TAF1C: variants seen among roughly 807,000 people sequenced by gnomAD.
TAF1C encodes TATA box-binding protein-associated factor RNA polymerase I subunit C.
TAF1C carries 79 observed loss-of-function variants against 70.5 expected under a neutral mutation model. That is an observed-to-expected ratio of 1.12 (90% confidence interval 0.93 to 1.35). TAF1C has a LOEUF of 1.35. Among genes scored for constraint, TAF1C ranks in the 40% most tolerant of loss-of-function variants. The pLI, the probability that TAF1C is intolerant of heterozygous loss-of-function variation, is 0.00. For synonymous variants in TAF1C, 614 were observed against 491.1 expected (o/e 1.25, Z -3.31); for missense variants, 1,412 against 1,127.8 (o/e 1.25, Z -3.61).
chr16:84,182,071 C>T lies in TAF1C; in HGVS notation c.722-13G>A. The T allele has an allele frequency of 6.2e-7, 1 of 1,612,222 alleles. No individual in the cohort carries two copies. Among genetic ancestry groups the T allele is most frequent in the Non-Finnish European group, 8.5e-7 (1 of 1,179,348 alleles). ...ACCTCTTGGAAATCTGGGCCTCTCA[C>T]TAAGGATCAGTGCACGAGCTATGAT... is the stretch of plus-strand genomic sequence containing the variant. On this transcript the variant is annotated splice_polypyrimidine_tract_variant and intron_variant, in intron 7 of 14. Transcript: ENST00000566732. The surrounding 1 kb of genome is among the most constrained non-coding windows in gnomAD (Gnocchi z 5.0).
In TAF1C at chr16:84,182,037, G is replaced by C. The variant is rs1403551842; in HGVS notation, c.743C>G (p.Thr248Ser). The change falls in exon 8 of 15, where the codon ACC becomes AGC. Residue 248 changes from threonine (T) to serine (S), a missense_variant. Transcript: ENST00000566732. The surrounding 1 kb of genome is among the most constrained non-coding windows in gnomAD (Gnocchi z 5.0). Reference protein sequence around the residue: ...DRLHFQEVVLTPGDNPQFLGK... With the variant: ...DRLHFQEVVLSPGDNPQFLGK... ...AAGGAATTGGGGATTGTCACCTGGG[G>C]TCAGAACGACCTCTTGGAAATCTGG... 6.2e-7 allele frequency: 1 copy of C among 1,613,276 alleles called. No homozygotes were observed. The highest frequency in any genetic ancestry group is 1.3e-5 in the African/African-American group (1 of 74,918).
At position 84,183,241 on chromosome 16, in the gene TAF1C, C is replaced by G. The variant is rs1193965830; in HGVS notation, c.408+3G>C. The G allele has an allele frequency of 1.1e-5, 18 of 1,613,932 alleles. No homozygotes were observed. The highest frequency in any genetic ancestry group is 1.4e-5 in the Non-Finnish European group (17 of 1,180,044). The stretch of plus-strand genomic sequence containing the variant: ...CCCACCCCTGGAGTCACGGGCCACT[C>G]ACCCCCGCTCCCTCCAGCTTGAAAT... On this transcript the variant is annotated splice_donor_region_variant and intron_variant, in intron 5 of 14. Transcript: ENST00000566732.
rs1337809228 is a variant in TAF1C, at chr16:84,179,353, C to CA, written c.2119dup (p.Trp707LeufsTer45). ...CGAGGTCCTGCCCTGCTGCCTCTCC[C>CA]ACCAGGCAGCCCCTCGGCCTGCCCA... On this transcript the variant is annotated frameshift_variant, in exon 15 of 15. Coordinates refer to ENST00000566732, the MANE Select transcript of TAF1C (RefSeq NM_001243156.2). LOFTEE classifies it low-confidence loss of function (END_TRUNC). The CA allele has an allele frequency of 6.2e-7, 1 of 1,601,178 alleles. No homozygotes were observed. Among genetic ancestry groups the CA allele is most frequent in the Non-Finnish European group, 8.5e-7 (1 of 1,179,182 alleles).
Position 84,178,833 on chromosome 16 carries a change from A to G in TAF1C, c.*108T>C, listed in dbSNP as rs1468757763. 7 of 1,276,030 alleles carry G rather than the reference A, an allele frequency of 5.5e-6. No homozygotes were observed. Among genetic ancestry groups the G allele is most frequent in the Non-Finnish European group, 6.4e-6 (6 of 937,410 alleles). The allele number at this position is 1,276,030 out of a possible 1,614,324, so 79.0% of individuals were successfully genotyped here. On this transcript the variant is annotated 3_prime_UTR_variant, in exon 15 of 15. Coordinates refer to ENST00000566732, the MANE Select transcript of TAF1C (RefSeq NM_001243156.2). ...TTGGCTCATCATCACAGTGGCCTCC[A>G]GAAGGTGGCGAGCTCTGCTTCTCAA...
rs1427249246 is a variant in TAF1C at position 84,181,772 on chromosome 16, C to G, written c.930G>C (p.Glu310Asp). ...TGAGGCTGATCCCCGTGGCCCCTTT[C>G]TCCACCTGCATTGCCTGCAGAAGGG... The part of the protein sequence containing the change: ...QPTLLQAMQV[E>D]KGATGISLSP... Residue 310 changes from glutamate to aspartate, a missense_variant, in exon 9 of 15, where the codon GAG becomes GAC. Physicochemically the swap from Glu to Asp is conservative, Grantham distance 45. Coordinates refer to ENST00000566732, the MANE Select transcript of TAF1C (RefSeq NM_001243156.2). 1 of 1,614,034 alleles carries G rather than the reference C, an allele frequency of 6.2e-7. No homozygotes were observed. Among genetic ancestry groups the G allele is most frequent in the African/African-American group, 1.3e-5 (1 of 74,936 alleles).
chr16:84,183,815 G>A, intron 2 of TAF1C, 37 bp from the exon 3 acceptor site: 1 of 1,529,206 alleles, frequency 6.5e-7, no homozygotes, highest in Non-Finnish European at 9.0e-7. Flanking sequence ...GTATCATGAT[G>A]AATGCCCTCC....
chr16:84,179,468 T>C lies in TAF1C; in HGVS notation c.2005A>G (p.Arg669Gly), dbSNP rs1451713743. The C allele has an allele frequency of 1.9e-6, 3 of 1,597,644 alleles. No individual in the cohort carries two copies. The highest frequency in any genetic ancestry group is 4.5e-5 in the East Asian group (2 of 44,706). The part of the protein sequence containing the change: ...AMARGQLLLQ[R>G]DLGSLPAAEP... ...GCCGCAGGGAGGGAGCCCAGGTCTCTCTGCAGCAGGAGCTGCCCTCGGGCC... is the reference window on the plus strand; with the variant it reads ...GCCGCAGGGAGGGAGCCCAGGTCTCCCTGCAGCAGGAGCTGCCCTCGGGCC... The change falls in exon 15 of 15, where the codon AGA becomes GGA. Residue 669 changes from arginine (R) to glycine (G), a missense_variant. By Grantham distance (125) the Arg-to-Gly change is moderately radical. Coordinates refer to ENST00000566732, the MANE Select transcript of TAF1C (RefSeq NM_001243156.2).
rs778970857 is a variant in TAF1C, at chr16:84,182,322, G to A, written c.601C>T (p.Arg201Trp). 1.9e-6 allele frequency: 3 copies of A among 1,612,660 alleles called. No individual in the cohort carries two copies. Among genetic ancestry groups the A allele is most frequent in the Non-Finnish European group, 2.5e-6 (3 of 1,179,858 alleles). Reference protein sequence around the residue: ...AELLHEELVLRWEQLLLDEAC... With the variant: ...AELLHEELVLWWEQLLLDEAC... ...TCATCCAGAAGCAGCTGCTCCCACC[G>A]CAGCACCAGCTCCTCGTGCAGCAGC... is the stretch of plus-strand genomic sequence containing the variant. The change falls in exon 7 of 15, where the codon CGG becomes TGG. Residue 201 changes from arginine (R) to tryptophan (W), a missense_variant. Transcript: ENST00000566732. The surrounding 1 kb of genome is among the most constrained non-coding windows in gnomAD (Gnocchi z 5.0).
rs2089523593 is a variant in TAF1C, at chr16:84,186,979, A to C, written c.-151T>G. The C allele has an allele frequency of 6.6e-6, 1 of 152,144 alleles. No homozygotes were observed. Among genetic ancestry groups the C allele is most frequent in the Non-Finnish European group, 1.5e-5 (1 of 68,022 alleles). The allele number at this position is 152,144 out of a possible 1,614,324, so 9.4% of individuals were successfully genotyped here. ...GCCGGACCCTGGCACCACGAGGGAA[A>C]TCTCAAGTAGAACCCCAGCTTTGGC... On this transcript the variant is annotated 5_prime_UTR_variant, in exon 1 of 15. Coordinates refer to ENST00000566732, the MANE Select transcript of TAF1C (RefSeq NM_001243156.2).
Position 84,180,220 on chromosome 16 carries a change from G to A in TAF1C, c.1433C>T (p.Pro478Leu). The change falls in exon 13 of 15, where the codon CCC becomes CTC. Residue 478 changes from proline to leucine, a missense_variant. By Grantham distance (98) the Pro-to-Leu change is moderately conservative. Coordinates refer to ENST00000566732, the MANE Select transcript of TAF1C (RefSeq NM_001243156.2). ...LPPPRPSCVQ[P>L]LLLGGQGGQL... ...CCCACCCTGGCCTCCGAGGAGCAGG[G>A]GCTGCACGCAGCTGGGCCGGGGCGG... is the stretch of plus-strand genomic sequence containing the variant. 1 of 1,542,990 alleles carries A rather than the reference G, an allele frequency of 6.5e-7. No individual in the cohort carries two copies. The highest frequency in any genetic ancestry group is 8.7e-7 in the Non-Finnish European group (1 of 1,149,928).
Position 84,179,477 on chromosome 16 carries a change from G to T in TAF1C, c.1996C>A (p.Leu666Met). The T allele has an allele frequency of 6.3e-7, 1 of 1,598,488 alleles. No homozygotes were observed. Among genetic ancestry groups the T allele is most frequent in the Middle Eastern group, 1.7e-4 (1 of 6,020 alleles). ...AGGGAGCCCAGGTCTCTCTGCAGCAGGAGCTGCCCTCGGGCCATGGCCTTG... is the reference window on the plus strand; with the variant it reads ...AGGGAGCCCAGGTCTCTCTGCAGCATGAGCTGCCCTCGGGCCATGGCCTTG... ...LRKAMARGQLLLQRDLGSLPA... is the reference protein window; with the variant it reads ...LRKAMARGQLMLQRDLGSLPA... Residue 666 changes from leucine (L) to methionine (M), a missense_variant, in exon 15 of 15, where the codon CTG becomes ATG. Leu to Met is a conservative substitution (Grantham distance 15, BLOSUM62 2). Coordinates refer to ENST00000566732, the MANE Select transcript of TAF1C (RefSeq NM_001243156.2).
rs1203909718 is a variant in TAF1C at position 84,179,236 on chromosome 16, G to C, written c.2237C>G (p.Thr746Ser). 8 of 1,584,524 alleles carry C rather than the reference G, an allele frequency of 5.0e-6. No individual in the cohort carries two copies. The African/African-American group carries it at 5.4e-5, about 11-fold the overall frequency. The change falls in exon 15 of 15, where the codon ACC becomes AGC. Residue 746 changes from threonine to serine, a missense_variant. Thr to Ser is a moderately conservative substitution (Grantham distance 58). Coordinates refer to ENST00000566732, the MANE Select transcript of TAF1C (RefSeq NM_001243156.2). The part of the protein sequence containing the change: ...LSGHVDPSED[T>S]SSPHSPEWPP... ...CCACTCAGGGCTATGAGGGGAGCTG[G>C]TGTCCTCTGAGGGATCCACATGGCC...
In TAF1C at chr16:84,182,384, G is replaced by A. The variant is rs767571237; in HGVS notation, c.539C>T (p.Pro180Leu). 6 of 1,607,048 alleles carry A rather than the reference G, an allele frequency of 3.7e-6. No homozygotes were observed. The highest frequency in any genetic ancestry group is 5.1e-6 in the Non-Finnish European group (6 of 1,178,080). Residue 180 changes from proline to leucine, a missense_variant, in exon 7 of 15, where the codon CCC (proline) becomes CTC (leucine). Physicochemically the swap from Pro to Leu is moderately conservative, Grantham distance 98 (BLOSUM62 -3). Transcript: ENST00000566732. This position sits in a 1 kb window ranked among gnomAD's most constrained non-coding sequence, Gnocchi z 5.0. Reference sequence around the variant, plus strand: ...GCTCGCCACCGACGTGCCCAGGATGGGGCCCCCGAGGATAGAGAAGCGGCG... The same window carrying A: ...GCTCGCCACCGACGTGCCCAGGATGAGGCCCCCGAGGATAGAGAAGCGGCG... The part of the protein sequence containing the change: ...RQRRFSILGG[P>L]ILGTSVASHL...
intron 1 of TAF1C, chr16:84,185,537 G>C (rs753671521): frequency 1.3e-5 from 2 of 152,284 alleles, no homozygotes; most frequent in East Asian, 3.9e-4. Flanking sequence ...GACTGCATCT[G>C]AGCATCGTCT....
chr16:84,178,020 C>T lies in TAF1C; in HGVS notation c.*921G>A. 1 of 635,102 alleles carries T rather than the reference C, an allele frequency of 1.6e-6. No individual in the cohort carries two copies. The highest frequency in any genetic ancestry group is 1.7e-5 in the South Asian group (1 of 59,950). The allele number at this position is 635,102 out of a possible 1,614,324, so 39.3% of individuals were successfully genotyped here. ...AAAGACCTTTCTCTTACTATGTCAT[C>T]AGAAACCAGACAGACCCGGGTCCCT... On this transcript the variant is annotated 3_prime_UTR_variant, in exon 15 of 15. Coordinates refer to ENST00000566732, the MANE Select transcript of TAF1C (RefSeq NM_001243156.2).
Position 84,179,840 on chromosome 16 carries a change from C to G in TAF1C, c.1633G>C (p.Val545Leu). The change falls in exon 15 of 15, where the codon GTC becomes CTC. Residue 545 changes from valine to leucine, a missense_variant. Transcript: ENST00000566732. ...GGCGCTGAGGGCAAGGGCGGGACGA[C>G]GGCAGCCAGACCTGGTGACGGGAAT... is the stretch of plus-strand genomic sequence containing the variant. ...LKAPTIGLAA[V>L]VPPLPSAPTP... 1.2e-6 allele frequency: 2 copies of G among 1,606,148 alleles called. No individual in the cohort carries two copies. Among genetic ancestry groups the G allele is most frequent in the Non-Finnish European group, 8.5e-7 (1 of 1,175,394 alleles).
At chr16:84,180,963 AG>A in intron 12 of TAF1C, 79 bp downstream of exon 12, 1 of 1,495,114 alleles carries the variant, frequency 6.7e-7, no homozygotes, top group Non-Finnish European at 9.0e-7. Context: ...GGCCCAGCAG[AG>A]CCGCTGGTAA....
Position 84,178,734 on chromosome 16 carries a change from G to A in TAF1C, c.*207C>T. 1 of 611,320 alleles carries A rather than the reference G, an allele frequency of 1.6e-6. No homozygotes were observed. Among genetic ancestry groups the A allele is most frequent in the South Asian group, 2.1e-5 (1 of 47,134 alleles). 37.9% of individuals were successfully genotyped at this position (611,320 alleles called of 1,614,324 possible). A position where few individuals can be genotyped will look rare whatever the true frequency, so the allele number is the denominator to read the frequency against. On this transcript the variant is annotated 3_prime_UTR_variant, in exon 15 of 15. Transcript: ENST00000566732. Reference sequence around the variant, plus strand: ...GCCTGCCTTGCGGGATGATCTTCAGGCGAATATACAAAATACAAAAGAAAC... The same window carrying A: ...GCCTGCCTTGCGGGATGATCTTCAGACGAATATACAAAATACAAAAGAAAC...
In TAF1C at chr16:84,181,719, C is replaced by G; in HGVS notation, c.956+27G>C. On this transcript the variant is annotated intron_variant, in intron 9 of 14. Coordinates refer to ENST00000566732, the MANE Select transcript of TAF1C (RefSeq NM_001243156.2). ...TGCTCAGCCCTGCCTCCAGCCCCTC[C>G]TCACCGACCAACCTGACCCCCCTCA... 3 of 1,613,848 alleles carry G rather than the reference C, an allele frequency of 1.9e-6. No individual in the cohort carries two copies. In the South Asian group the frequency reaches 3.3e-5, roughly 18 times the overall value.
Sources: allele counts gnomAD v4.1 joint callset, GRCh38; gene constraint gnomAD v4.1.1; non-coding constraint Gnocchi (gnomAD v3.1); transcripts MANE v1.5; gene names NCBI Gene and HGNC (gene_info 2026-07-23, HGNC 2026-07-21).